The following PSD3 variants were observed in gnomAD, a reference collection of about 807,000 sequenced individuals.
PSD3 encodes PH and SEC7 domain-containing protein 3.
A neutral mutation model predicts 105.5 loss-of-function variants in PSD3; 49 were observed. The observed-to-expected ratio is 0.46, with a 90% CI of 0.37 to 0.59. PSD3 has a LOEUF of 0.59. Among genes scored for constraint, PSD3 ranks in the 20% least tolerant of loss-of-function variants. PSD3 has a pLI of 0.00. For missense variants in PSD3, 1,561 were observed against 1,263.8 expected (o/e 1.24, Z -3.57); for synonymous variants, 557 against 457.8 (o/e 1.22, Z -2.77).
intron 9 of PSD3, among the ~76,000 whole-genome samples, chr8:18,689,273 T>C (rs12546585): frequency 0.1 from 15,733 of 152,142 alleles, 1,388 homozygotes; most frequent in East Asian, 0.43. Flanking sequence ...AGAAATTCTG[T>C]TGCCATAATT....
intron 12 of PSD3, among the ~76,000 whole-genome samples, chr8:18,582,952 A>C (rs920051242): frequency 6.6e-6 from 1 of 151,024 alleles, no homozygotes; most frequent in Non-Finnish European, 1.5e-5. Context: ...CAGACTCCTG[A>C]GTAGCTAGGA....
intron 9 of PSD3, among the ~76,000 whole-genome samples, chr8:18,716,190 G>A (rs139154698): frequency 6.6e-6 from 1 of 152,266 alleles, no homozygotes; most frequent in East Asian, 1.9e-4. Flanking sequence ...AAAGGTCAAA[G>A]AAAAACTTCA....
At chr8:18,566,343 G>T (rs112977251) in intron 14 of PSD3, among the ~76,000 whole-genome samples, 1 of 151,800 alleles carries the variant, frequency 6.6e-6, no homozygotes, top group Non-Finnish European at 1.5e-5. Flanking sequence ...TTGCTAACAC[G>T]GTGAAACCTT....
At chr8:18,806,497 G>T (rs906341358) in intron 4 of PSD3, among the ~76,000 whole-genome samples, 1 of 152,306 alleles carries the variant, frequency 6.6e-6, no homozygotes, top group South Asian at 2.1e-4. Flanking sequence ...TAACTTGGAA[G>T]TAAGACATGC....
At chr8:18,980,116 T>C (rs576132984) in intron 1 of PSD3, among the ~76,000 whole-genome samples, 1 of 152,314 alleles carries the variant, frequency 6.6e-6, no homozygotes, top group African/African-American at 2.4e-5. Flanking sequence ...TGTACACACA[T>C]GATAAATGCT....
At chr8:19,005,829 T>C (rs1350167584) in intron 1 of PSD3, among the ~76,000 whole-genome samples, 1 of 151,878 alleles carries the variant, frequency 6.6e-6, no homozygotes, top group African/African-American at 2.4e-5. Flanking sequence ...TAAAATTGAC[T>C]ATGGTGATGG....
At chr8:18,653,132 T>C (rs1167382970) in intron 10 of PSD3, among the ~76,000 whole-genome samples, 1 of 152,178 alleles carries the variant, frequency 6.6e-6, no homozygotes, top group Non-Finnish European at 1.5e-5. Context: ...TATATCTGCT[T>C]GATAGAGCAG....
At chr8:18,971,909 G>A (rs1261163198) in intron 1 of PSD3, among the ~76,000 whole-genome samples, 1 of 152,120 alleles carries the variant, frequency 6.6e-6, no homozygotes. Flanking sequence ...GGAGGCTGAG[G>A]TAGGAGAATC....
intron 1 of PSD3, among the ~76,000 whole-genome samples, chr8:19,002,813 T>G (rs181604379): frequency 6.6e-6 from 1 of 152,220 alleles, no homozygotes; most frequent in East Asian, 1.9e-4. Flanking sequence ...GCAGAACCCA[T>G]AGAAACAGAG....
At chr8:18,601,680 A>G (rs1804451148) in intron 11 of PSD3, among the ~76,000 whole-genome samples, 1 of 152,212 alleles carries the variant, frequency 6.6e-6, no homozygotes, top group Admixed American at 6.5e-5. Context: ...GTATACTAAA[A>G]ATACATATAA....
chr8:18,798,228 T>A (rs550258603), intron 8 of PSD3, among the ~76,000 whole-genome samples: 1 of 152,290 alleles, frequency 6.6e-6, no homozygotes, highest in Non-Finnish European at 1.5e-5. Flanking sequence ...CTGTATTATC[T>A]CTGGACACGT....
At chr8:18,834,422 T>C (rs1442909664) in intron 4 of PSD3, among the ~76,000 whole-genome samples, 1 of 152,112 alleles carries the variant, frequency 6.6e-6, no homozygotes, top group Non-Finnish European at 1.5e-5. Flanking sequence ...CAAAATACAT[T>C]GTACTGAGCA....
intron 1 of PSD3, among the ~76,000 whole-genome samples, chr8:19,026,495 C>T (rs922073597): frequency 9.9e-5 from 15 of 151,972 alleles, no homozygotes; most frequent in African/African-American, 3.4e-4. Context: ...ACAGAGACAA[C>T]ACTTTATTTA....
intron 8 of PSD3, among the ~76,000 whole-genome samples, chr8:18,781,911 G>A: frequency 6.6e-6 from 1 of 151,896 alleles, no homozygotes; most frequent in East Asian, 1.9e-4. Flanking sequence ...TATCTGCTCA[G>A]GTTATTTCAA....
intron 2 of PSD3, among the ~76,000 whole-genome samples, chr8:18,882,207 CAACAAACA>C (rs35021958): frequency 1.1e-3 from 163 of 151,416 alleles, no homozygotes; most frequent in African/African-American, 3.5e-3. Context: ...GATTCTGTCT[CAACAAACA>C]AACAAACAAA....
intron 1 of PSD3, among the ~76,000 whole-genome samples, chr8:19,053,602 C>A (rs903850089): frequency 6.6e-6 from 1 of 151,986 alleles, no homozygotes; most frequent in Non-Finnish European, 1.5e-5. Flanking sequence ...AGTTCGAGAC[C>A]AACATGAGGA....
intron 11 of PSD3, among the ~76,000 whole-genome samples, chr8:18,614,749 T>C: frequency 6.6e-6 from 1 of 152,086 alleles, no homozygotes. Flanking sequence ...CCACCTCAGC[T>C]TCCTGAGAAG....
At chr8:19,071,319 C>T (rs978799637) in intron 1 of PSD3, among the ~76,000 whole-genome samples, 3 of 131,332 alleles carry the variant, frequency 2.3e-5, no homozygotes, top group East Asian at 3.0e-4. Flanking sequence ...CCTCCCACCT[C>T]GGCCTCCTAA....
chr8:19,003,976 A>C (rs187160820), intron 1 of PSD3, among the ~76,000 whole-genome samples: 14 of 152,160 alleles, frequency 9.2e-5, no homozygotes, highest in Admixed American at 7.2e-4. Flanking sequence ...TAAGACTTGC[A>C]TGGGGTGATT....
Sources: allele counts gnomAD v4.1 joint callset (sites outside exome capture counted in the v4.1 genomes callset), GRCh38; gene constraint gnomAD v4.1.1; transcripts MANE v1.5; gene names NCBI Gene and HGNC (gene_info 2026-07-23, HGNC 2026-07-21).